CFAP99: variants seen among roughly 807,000 people sequenced by gnomAD.
The protein encoded by CFAP99 is cilia- and flagella-associated protein 99.
Under a neutral mutation model 82.7 loss-of-function variants are expected in CFAP99, and 84 were observed. The observed-to-expected ratio is 1.02, with a 90% CI of 0.85 to 1.22. The LOEUF (loss-of-function observed/expected upper bound fraction) is 1.22. CFAP99 is among the 50% of genes most tolerant of loss of function. CFAP99 has a pLI of 0.00. For missense variants in CFAP99, 1,059 were observed against 983.5 expected, an observed-to-expected ratio of 1.08 and a Z score of -1.03; for synonymous variants, 456 against 429.5, an observed-to-expected ratio of 1.06 and a Z score of -0.76.
rs1275628763 is a variant in CFAP99 at position 2,462,603 on chromosome 4, C to G, written c.1822C>G (p.Arg608Gly). The G allele has an allele frequency of 2.1e-5, 29 of 1,405,878 alleles. No homozygotes were observed. The South Asian group carries it at 2.5e-4, about 12-fold the overall frequency. 87.1% of individuals were successfully genotyped at this position (1,405,878 alleles called of 1,614,324 possible). ...GCCGCGGACCGCGCGCCCCAAGCCC[C>G]GGGTGAGTCCGGATTGGTGGGAGGA... Residue 608 changes from arginine (R) to glycine (G), a missense_variant, in exon 15 of 15, where the codon CGG becomes GGG. Coordinates refer to ENST00000635017, the Ensembl canonical transcript of CFAP99. The surrounding 1 kb of genome is among the most constrained non-coding windows in gnomAD (Gnocchi z 4.1).
At chr4:2,454,407 G>T (rs1734373698) in intron 11 of CFAP99, among the ~76,000 whole-genome samples, 1 of 152,044 alleles carries the variant, frequency 6.6e-6, no homozygotes, top group African/African-American at 2.4e-5. Flanking sequence ...AAAGTGCTGG[G>T]ATTACAGGTG....
At chr4:2,447,018 G>C (rs1191917573) in intron 6 of CFAP99, among the ~76,000 whole-genome samples, 1 of 151,862 alleles carries the variant, frequency 6.6e-6, no homozygotes, top group Admixed American at 6.6e-5. Context: ...ATGGATGGAT[G>C]GGTAGATGGA....
intron 8 of CFAP99, chr4:2,450,340 A>C: frequency 1.1e-5 from 4 of 360,298 alleles, no homozygotes; most frequent in Non-Finnish European, 5.3e-6. Flanking sequence ...TTTGCCAATA[A>C]AGAAAAAGCA....
chr4:2,425,794 T>C (rs529921506), intron 1 of CFAP99, among the ~76,000 whole-genome samples: 7 of 152,096 alleles, frequency 4.6e-5, no homozygotes, highest in Non-Finnish European at 8.8e-5. Context: ...AGGCAGCTTC[T>C]CCAAGGTCCC....
chr4:2,451,202 G>A (rs1734293066), intron 9 of CFAP99, 62 bp from the exon 10 acceptor site: 2 of 1,517,592 alleles, frequency 1.3e-6, no homozygotes, highest in Middle Eastern at 1.7e-4. Flanking sequence ...GGGCAGGATG[G>A]GCATTTGCTG....
intron 6 of CFAP99, among the ~76,000 whole-genome samples, chr4:2,449,165 G>A (rs185700255): frequency 2.0e-3 from 297 of 152,114 alleles, no homozygotes; most frequent in Middle Eastern, 6.8e-3. Flanking sequence ...ACACAGCTCC[G>A]GCCATATTAT....
intron 1 of CFAP99, among the ~76,000 whole-genome samples, chr4:2,421,640 C>T (rs1302529116): frequency 2.0e-5 from 3 of 152,094 alleles, no homozygotes; most frequent in Non-Finnish European, 2.9e-5. Flanking sequence ...TGAGCCACCG[C>T]GCCCAGCCTA....
At chr4:2,426,228 G>T (rs1733679545) in intron 1 of CFAP99, among the ~76,000 whole-genome samples, 2 of 152,106 alleles carry the variant, frequency 1.3e-5, no homozygotes, top group African/African-American at 4.8e-5. Context: ...AGCCGCAGAG[G>T]CCTGCAGGAG....
chr4:2,426,753 TG>T (rs1487194455), intron 2 of CFAP99, 167 bp downstream of exon 2: 10 of 596,370 alleles, frequency 1.7e-5, no homozygotes, highest in Middle Eastern at 4.5e-4. Context: ...GAGGTGCTCC[TG>T]GCACCCAGAA....
chr4:2,432,423 T>C (rs770631569), intron 2 of CFAP99, among the ~76,000 whole-genome samples: 1 of 152,252 alleles, frequency 6.6e-6, no homozygotes, highest in Non-Finnish European at 1.5e-5. Flanking sequence ...GACGGCATTC[T>C]TTCTGTTAAG....
chr4:2,449,561 A>G, intron 6 of CFAP99, 109 bp from the exon 7 acceptor site: 1 of 945,284 alleles, frequency 1.1e-6, no homozygotes, highest in Non-Finnish European at 1.6e-6. Context: ...GCAGGCCGCC[A>G]CCACCCTCCC....
intron 11 of CFAP99, among the ~76,000 whole-genome samples, chr4:2,453,741 C>CTTT (rs34564273): frequency 4.5e-5 from 6 of 132,412 alleles, no homozygotes; most frequent in African/African-American, 1.4e-4. Flanking sequence ...ATTTCCCTGA[C>CTTT]TTTTTTTTTT....
chr4:2,428,060 A>G (rs1733721510), intron 2 of CFAP99: 1 of 152,586 alleles, frequency 6.6e-6, no homozygotes, highest in African/African-American at 2.4e-5. Context: ...GCCCCTGAGC[A>G]CTGTGGGGAA....
intron 3 of CFAP99, 39 bp downstream of exon 3, chr4:2,437,057 A>G (rs1560380975): frequency 2.6e-6 from 4 of 1,534,476 alleles, no homozygotes; most frequent in African/African-American, 1.4e-5. Context: ...GGCCGTAGAG[A>G]CGGTTCACTC....
At position 2,462,169 on chromosome 4, in the gene CFAP99, A is replaced by AAAC. The variant is rs753734041; in HGVS notation, c.1662-262_1662-260dup. ...GAGACCCTGCCTCAAACAAACAAAC[A>AAAC]AACAACAACAACAAAAATTAAAGAA... is the stretch of plus-strand genomic sequence containing the variant. On this transcript the variant is annotated intron_variant, in intron 14 of 14. Coordinates refer to ENST00000635017, the Ensembl canonical transcript of CFAP99. The surrounding 1 kb of genome is among the most constrained non-coding windows in gnomAD (Gnocchi z 4.1). 6.5e-6 allele frequency: 2 copies of AAAC among 308,534 alleles called. No individual in the cohort carries two copies. The highest frequency in any genetic ancestry group is 5.9e-6 in the Non-Finnish European group (1 of 169,254). The allele number at this position is 308,534 out of a possible 1,614,324, so 19.1% of individuals were successfully genotyped here.
chr4:2,432,170 T>G (rs1733813545), intron 2 of CFAP99, among the ~76,000 whole-genome samples: 1 of 152,230 alleles, frequency 6.6e-6, no homozygotes, highest in South Asian at 2.1e-4. Flanking sequence ...TACTGTTGCC[T>G]CATAGTCACT....
At chr4:2,426,673 A>G in intron 2 of CFAP99, 87 bp downstream of exon 2, 1 of 831,500 alleles carries the variant, frequency 1.2e-6, no homozygotes, top group Non-Finnish European at 2.0e-6. Flanking sequence ...ATGCCTTCCT[A>G]ACGACTGCCT....
At chr4:2,451,422 G>A (rs1221884651) in intron 10 of CFAP99, 70 bp downstream of exon 10, 3 of 1,459,938 alleles carry the variant, frequency 2.1e-6, no homozygotes, top group Non-Finnish European at 2.8e-6. Context: ...TCAGAGGAGG[G>A]GCCTGGGGGC....
intron 1 of CFAP99, among the ~76,000 whole-genome samples, chr4:2,424,827 C>G (rs1375364288): frequency 1.3e-5 from 2 of 152,354 alleles, no homozygotes; most frequent in East Asian, 3.9e-4. Context: ...CGGGGCGTCC[C>G]TGGCTCTGAA....
Sources: gnomAD v4.1 joint callset for allele counts (sites outside exome capture counted in the v4.1 genomes callset) on GRCh38, gnomAD v4.1.1 for gene constraint, Gnocchi (gnomAD v3.1) non-coding constraint, MANE v1.5 for transcripts, NCBI Gene and HGNC (gene_info 2026-07-23, HGNC 2026-07-21) for gene names.